The following PRMT8 variants were observed in gnomAD, a reference collection of about 807,000 sequenced individuals.
PRMT8 encodes the protein protein arginine N-methyltransferase 8.
Under a neutral mutation model 47.1 loss-of-function variants are expected in PRMT8, and 7 were observed. The ratio of observed to expected loss-of-function variants is 0.15; its 90% CI spans 0.08 to 0.28. The LOEUF is 0.28. Among genes scored for constraint, PRMT8 ranks in the 10% least tolerant of loss-of-function variants. The pLI is 1.00. For missense variants in PRMT8, 237 were observed against 505.4 expected (o/e 0.47, Z 5.09); for synonymous variants, 188 against 186.5 (o/e 1.01, Z -0.07).
At chr12:3,475,292 G>C (rs577258409) in intron 1 of PRMT8, among the ~76,000 whole-genome samples, 1 of 152,186 alleles carries the variant, frequency 6.6e-6, no homozygotes, top group Admixed American at 6.5e-5. Flanking sequence ...GGGAAGGGCA[G>C]AAAAAAGTCC....
At chr12:3,442,171 A>AAAGTAACTC (rs1489689364) in intron 1 of PRMT8, among the ~76,000 whole-genome samples, 1 of 152,228 alleles carries the variant, frequency 6.6e-6, no homozygotes, top group African/African-American at 2.4e-5. Flanking sequence ...AATGGGACAA[A>AAAGTAACTC]AAGTAACTCA....
At position 3,448,060 on chromosome 12, in the gene PRMT8, G is replaced by A. The variant is rs907879360; in HGVS notation, c.48+66618G>A. 3.3e-5 allele frequency among the ~76,000 whole-genome samples: 5 copies of A among 152,250 alleles called. No individual in the cohort carries two copies. The South Asian group carries it at 8.3e-4, about 25-fold the overall frequency. On this transcript the variant is annotated intron_variant, in intron 1 of 9. Transcript: ENST00000452611. ...CAAGCTGGAGTGCAGTGGTGTGATC[G>A]ATCATATCTCACTTTATCCTTTAAC...
At chr12:3,407,345 G>A (rs1864382866) in intron 1 of PRMT8, among the ~76,000 whole-genome samples, 1 of 149,996 alleles carries the variant, frequency 6.7e-6, no homozygotes, top group African/African-American at 2.5e-5. Flanking sequence ...ATTGGGTATA[G>A]CATTCTAGTA....
chr12:3,560,630 G>A (rs1180739563), intron 4 of PRMT8, among the ~76,000 whole-genome samples: 3 of 152,208 alleles, frequency 2.0e-5, no homozygotes, highest in African/African-American at 7.2e-5. Flanking sequence ...AACAAAAAAT[G>A]TATAACCCGT....
At chr12:3,433,027 C>T (rs573133987) in intron 1 of PRMT8, among the ~76,000 whole-genome samples, 4 of 152,280 alleles carry the variant, frequency 2.6e-5, no homozygotes, top group Non-Finnish European at 4.4e-5. Context: ...CAGGAAATGC[C>T]ATACTGCTCT....
At chr12:3,495,389 C>T (rs1369617876) in intron 1 of PRMT8, among the ~76,000 whole-genome samples, 4 of 152,184 alleles carry the variant, frequency 2.6e-5, no homozygotes, top group Admixed American at 2.0e-4. Context: ...AAAAGACCTC[C>T]GACTGCATAT....
intron 2 of PRMT8, among the ~76,000 whole-genome samples, chr12:3,546,824 GTA>G (rs1340074334): frequency 6.6e-6 from 1 of 152,146 alleles, no homozygotes; most frequent in Non-Finnish European, 1.5e-5. Flanking sequence ...AATGAGCCCA[GTA>G]TAACTTTGAT....
intron 1 of PRMT8, among the ~76,000 whole-genome samples, chr12:3,530,510 G>A (rs1866013559): frequency 6.6e-6 from 1 of 152,170 alleles, no homozygotes; most frequent in South Asian, 2.1e-4. Context: ...AGATGCCATA[G>A]GAGGTCAAAA....
At chr12:3,567,393 C>A (rs963652686) in intron 4 of PRMT8, among the ~76,000 whole-genome samples, 2 of 152,220 alleles carry the variant, frequency 1.3e-5, no homozygotes, top group African/African-American at 4.8e-5. Context: ...ATCAAAATAT[C>A]AATTTCCTCC....
chr12:3,508,433 T>C lies in PRMT8; in HGVS notation c.75+16733T>C, dbSNP rs1207399311. Among the ~76,000 whole-genome samples, 2 of 152,228 alleles carry C rather than the reference T, an allele frequency of 1.3e-5. No individual in the cohort carries two copies. Among genetic ancestry groups the C allele is most frequent in the African/African-American group, 4.8e-5 (2 of 41,456 alleles). ...AATTACCGGCCTGGAGCTTCTGAGC[T>C]ACACACAGGGTCTGACATCTGAACG... is the stretch of plus-strand genomic sequence containing the variant. On this transcript the variant is annotated intron_variant, in intron 1 of 9. Transcript: ENST00000382622. This position sits in a 1 kb window ranked among gnomAD's most constrained non-coding sequence, Gnocchi z 4.9.
At chr12:3,469,836 C>T (rs749911999) in intron 1 of PRMT8, among the ~76,000 whole-genome samples, 7 of 152,098 alleles carry the variant, frequency 4.6e-5, no homozygotes, top group South Asian at 2.1e-4. Context: ...CAAGCAGAGC[C>T]GCCTAGAGCA....
At chr12:3,439,315 C>G (rs540595135) in intron 1 of PRMT8, among the ~76,000 whole-genome samples, 21 of 152,268 alleles carry the variant, frequency 1.4e-4, no homozygotes, top group Middle Eastern at 3.4e-3. Context: ...ACAGATGACA[C>G]TATTCTAGGT....
At chr12:3,448,486 A>G (rs1365673598) in intron 1 of PRMT8, among the ~76,000 whole-genome samples, 1 of 152,212 alleles carries the variant, frequency 6.6e-6, no homozygotes, top group Admixed American at 6.5e-5. Flanking sequence ...GAATGGCATT[A>G]TTTTGTATCA....
intron 1 of PRMT8, among the ~76,000 whole-genome samples, chr12:3,479,805 G>A (rs1489210697): frequency 6.6e-6 from 1 of 152,122 alleles, no homozygotes; most frequent in Admixed American, 6.5e-5. Context: ...TGAACCTGCT[G>A]TAGAGAGTTT....
chr12:3,469,700 T>C (rs1865138968), intron 1 of PRMT8, among the ~76,000 whole-genome samples: 1 of 152,204 alleles, frequency 6.6e-6, no homozygotes, highest in Non-Finnish European at 1.5e-5. Flanking sequence ...AGGGTGATTT[T>C]TATGATAGGT....
rs551979245 is a variant in PRMT8 at position 3,409,222 on chromosome 12, G to A, written c.48+27780G>A. 6.5e-4 allele frequency among the ~76,000 whole-genome samples: 99 copies of A among 152,254 alleles called. No individual in the cohort carries two copies. The highest frequency in any genetic ancestry group is 6.0e-3 in the South Asian group (29 of 4,824). On this transcript the variant is annotated intron_variant, in intron 1 of 9. Coordinates refer to the PRMT8 transcript ENST00000452611. The surrounding 1 kb of genome is among the most constrained non-coding windows in gnomAD (Gnocchi z 4.4). Reference sequence around the variant, plus strand: ...CACTGCAGCAGCTCAGGCCCTGCTGGATTTTTAACTATGACCCTGACTCTG... The same window carrying A: ...CACTGCAGCAGCTCAGGCCCTGCTGAATTTTTAACTATGACCCTGACTCTG...
At chr12:3,565,569 C>T (rs564254986) in intron 4 of PRMT8, among the ~76,000 whole-genome samples, 1 of 152,290 alleles carries the variant, frequency 6.6e-6, no homozygotes, top group South Asian at 2.1e-4. Flanking sequence ...GTTAAGAGAA[C>T]AGAAGTCCAG....
chr12:3,578,179 C>A (rs574271051), intron 7 of PRMT8, among the ~76,000 whole-genome samples: 1 of 152,262 alleles, frequency 6.6e-6, no homozygotes, highest in Non-Finnish European at 1.5e-5. Context: ...GTGGCACAAT[C>A]ACAGCTCACT....
intron 1 of PRMT8, among the ~76,000 whole-genome samples, chr12:3,506,629 T>G (rs1201333576): frequency 6.6e-6 from 1 of 152,186 alleles, no homozygotes. Context: ...ACTCAGGTGT[T>G]TGTCCACATC....
Sources: gnomAD v4.1 joint callset for allele counts (sites outside exome capture counted in the v4.1 genomes callset) on GRCh38, gnomAD v4.1.1 for gene constraint, Gnocchi (gnomAD v3.1) non-coding constraint, MANE v1.5 for transcripts, NCBI Gene and HGNC (gene_info 2026-07-23, HGNC 2026-07-21) for gene names.